The following CDH6 variants were observed in gnomAD, a reference collection of about 807,000 sequenced individuals.
The protein encoded by CDH6 is cadherin-6.
CDH6 carries 31 observed loss-of-function variants against 78.0 expected under a neutral mutation model. That is an observed-to-expected ratio of 0.40 (90% CI 0.30 to 0.54). CDH6 has a LOEUF of 0.54. Ranked by LOEUF, CDH6 falls within the 20% of genes least tolerant of loss-of-function variation. CDH6 has a pLI of 0.56. For missense variants in CDH6, 724 were observed against 975.9 expected, an observed-to-expected ratio of 0.74 and a Z score of 3.44; for synonymous variants, 376 against 368.8, an observed-to-expected ratio of 1.02 and a Z score of -0.23.
In CDH6 at chr5:31,323,141, G is replaced by A. The variant is rs746180154; in HGVS notation, c.2206G>A (p.Ala736Thr). 8.7e-6 allele frequency: 14 copies of A among 1,614,146 alleles called. No individual in the cohort carries two copies. Among genetic ancestry groups the A allele is most frequent in the Middle Eastern group, 3.3e-4 (2 of 6,062 alleles). Residue 736 changes from alanine to threonine, a missense_variant, in exon 12 of 12, where the codon GCC becomes ACC. Physicochemically the swap from Ala to Thr is moderately conservative, Grantham distance 58. Transcript: ENST00000265071. ...CACTGCCCCGCCATACGACTCCTTG[G>A]CCACTTACGCCTATGAAGGCACTGG... ...DPTAPPYDSL[A>T]TYAYEGTGSV...
At chr5:31,239,095 C>T (rs1741529410) in intron 1 of CDH6, among the ~76,000 whole-genome samples, 1 of 152,168 alleles carries the variant, frequency 6.6e-6, no homozygotes, top group Non-Finnish European at 1.5e-5. Context: ...TTCCGGAAAT[C>T]ATAACTGTTC....
chr5:31,283,295 G>C (rs116439031), intron 2 of CDH6, among the ~76,000 whole-genome samples: 66 of 152,262 alleles, frequency 4.3e-4, no homozygotes, highest in Non-Finnish European at 8.1e-4. Flanking sequence ...TCAAAATATT[G>C]TTTGGTACAG....
intron 1 of CDH6, among the ~76,000 whole-genome samples, chr5:31,205,634 T>G (rs1002486577): frequency 2.6e-5 from 4 of 152,216 alleles, no homozygotes; most frequent in African/African-American, 7.2e-5. Flanking sequence ...AACAATGTCC[T>G]TGCCAAGATT....
chr5:31,291,925 A>G (rs1579889185), intron 2 of CDH6, among the ~76,000 whole-genome samples: 1 of 152,288 alleles, frequency 6.6e-6, no homozygotes, highest in East Asian at 1.9e-4. Context: ...AATTGCTTTC[A>G]AGACTACTAA....
intron 2 of CDH6, among the ~76,000 whole-genome samples, chr5:31,289,533 T>G (rs1743099743): frequency 6.6e-6 from 1 of 152,214 alleles, no homozygotes; most frequent in East Asian, 1.9e-4. Context: ...CTACTTTTAG[T>G]TCTCTGAGAA....
intron 2 of CDH6, among the ~76,000 whole-genome samples, chr5:31,271,017 A>G (rs911551751): frequency 1.3e-5 from 2 of 152,220 alleles, no homozygotes; most frequent in African/African-American, 4.8e-5. Flanking sequence ...GCAGATTACT[A>G]CTAAATAAAA....
chr5:31,219,122 C>T (rs12653096), intron 1 of CDH6, among the ~76,000 whole-genome samples: 1 of 152,144 alleles, frequency 6.6e-6, no homozygotes, highest in Non-Finnish European at 1.5e-5. Flanking sequence ...AACAAAGACT[C>T]AAACACACAA....
chr5:31,297,140 AATCCTTTTTCACCCAGC>A, intron 3 of CDH6, 132 bp from the exon 4 acceptor site: 1 of 683,366 alleles, frequency 1.5e-6, no homozygotes, highest in East Asian at 2.7e-5. Context: ...TAAAGAATCC[AATCCTTTTTCACCCAGC>A]ATCCTACCAA....
intron 2 of CDH6, among the ~76,000 whole-genome samples, chr5:31,284,624 T>C (rs1742965392): frequency 6.6e-6 from 1 of 152,202 alleles, no homozygotes; most frequent in Admixed American, 6.5e-5. Context: ...TAGGACTACA[T>C]GTGCTAAGGG....
intron 1 of CDH6, among the ~76,000 whole-genome samples, chr5:31,226,733 G>T (rs149669768): frequency 3.2e-4 from 49 of 152,238 alleles, no homozygotes; most frequent in African/African-American, 1.1e-3. Flanking sequence ...AACATGAAAT[G>T]CTTTTACAAA....
intron 7 of CDH6, among the ~76,000 whole-genome samples, chr5:31,306,353 A>G (rs1028779713): frequency 6.6e-6 from 1 of 152,186 alleles, no homozygotes; most frequent in Admixed American, 6.5e-5. Flanking sequence ...GTTGTAAATC[A>G]TGTTGCAGTA....
chr5:31,256,363 T>G (rs1427118536), intron 1 of CDH6, among the ~76,000 whole-genome samples: 1 of 152,190 alleles, frequency 6.6e-6, no homozygotes, highest in African/African-American at 2.4e-5. Context: ...GTAACTGAGC[T>G]GGCCAAGGGT....
chr5:31,289,817 T>G (rs971516241), intron 2 of CDH6, among the ~76,000 whole-genome samples: 1 of 152,176 alleles, frequency 6.6e-6, no homozygotes, highest in Non-Finnish European at 1.5e-5. Flanking sequence ...AAGTTGGAAT[T>G]CAGCACATTT....
In CDH6 at chr5:31,200,567, T is replaced by TACACACAC. The variant is rs10533381; in HGVS notation, c.-129+6705_-129+6712dup. ...TACCAAGTAAAATTTCACACATACA[T>TACACACAC]ACACACACACACACACACACACACA... On this transcript the variant is annotated intron_variant, in intron 1 of 11. Transcript: ENST00000265071. 5.1e-4 allele frequency among the ~76,000 whole-genome samples: 74 copies of TACACACAC among 144,474 alleles called. 1 individual carries two copies. Among genetic ancestry groups the TACACACAC allele is most frequent in the Middle Eastern group, 3.5e-3 (1 of 282 alleles). 94.8% of individuals were successfully genotyped at this position (144,474 alleles called of 152,430 possible).
At chr5:31,314,707 G>A (rs962997038) in intron 8 of CDH6, among the ~76,000 whole-genome samples, 74 of 152,054 alleles carry the variant, frequency 4.9e-4, no homozygotes, top group African/African-American at 1.8e-3. Context: ...CATCTTTAAA[G>A]TTTTAAAATT....
At chr5:31,242,126 A>G (rs1352797220) in intron 1 of CDH6, among the ~76,000 whole-genome samples, 1 of 152,202 alleles carries the variant, frequency 6.6e-6, no homozygotes, top group Non-Finnish European at 1.5e-5. Flanking sequence ...AAATGGACCC[A>G]TTGTTATGTC....
At chr5:31,205,222 G>T (rs1183424421) in intron 1 of CDH6, among the ~76,000 whole-genome samples, 2 of 152,140 alleles carry the variant, frequency 1.3e-5, no homozygotes, top group Non-Finnish European at 2.9e-5. Flanking sequence ...TTTTACAACT[G>T]ATTTCCTGTT....
chr5:31,293,535 A>G (rs143475656), intron 2 of CDH6, among the ~76,000 whole-genome samples: 88 of 152,300 alleles, frequency 5.8e-4, no homozygotes, highest in African/African-American at 2.0e-3. Flanking sequence ...CCTTTTCTAA[A>G]TAGGATATTG....
chr5:31,196,325 A>G (rs1740166751), intron 1 of CDH6, among the ~76,000 whole-genome samples: 1 of 151,784 alleles, frequency 6.6e-6, no homozygotes, highest in Non-Finnish European at 1.5e-5. Flanking sequence ...TTATTATAGC[A>G]CCAAATCTGA....
Sources: gnomAD v4.1 joint callset for allele counts (sites outside exome capture counted in the v4.1 genomes callset) on GRCh38, gnomAD v4.1.1 for gene constraint, MANE v1.5 for transcripts, NCBI Gene and HGNC (gene_info 2026-07-23, HGNC 2026-07-21) for gene names.